The following SLC38A11 variants were observed in gnomAD, a reference collection of about 807,000 sequenced individuals.
SLC38A11 encodes the protein putative sodium-coupled neutral amino acid transporter 11.
In SLC38A11, 51 loss-of-function variants were observed where a neutral mutation model predicts 49.4. The ratio of observed to expected loss-of-function variants is 1.03; its 90% CI spans 0.83 to 1.30. SLC38A11 has a LOEUF of 1.30. Among genes scored for constraint, SLC38A11 ranks in the 50% most tolerant of loss-of-function variants. The probability of loss-of-function intolerance (pLI) is 0.00; values close to 1 mark genes in which losing one functional copy is unlikely to be tolerated. For missense variants in SLC38A11, 574 were observed against 556.2 expected (o/e 1.03, Z -0.32); for synonymous variants, 203 against 192.9 (o/e 1.05, Z -0.43).
chr2:164,908,740 A>T lies in SLC38A11; in HGVS notation c.995T>A (p.Leu332His). The change falls in exon 11 of 12, where the codon CTT becomes CAT. Residue 332 changes from leucine to histidine, a missense_variant. By Grantham distance (99) the Leu-to-His change is moderately conservative (BLOSUM62 -3). Transcript: ENST00000685975. ...TACAACAATGTGGAAAACCGATGAA[A>T]GATTCCCACCAAAAAACACATTGGC... ...VIANVFFGGN[L>H]SSVFHIVVTV... 1 of 1,611,256 alleles carries T rather than the reference A, an allele frequency of 6.2e-7. No individual in the cohort carries two copies. Among genetic ancestry groups the T allele is most frequent in the Non-Finnish European group, 8.5e-7 (1 of 1,178,442 alleles).
At chr2:164,912,584 T>C (rs917426440) in intron 9 of SLC38A11, 10 of 152,112 alleles carry the variant, frequency 6.6e-5, no homozygotes, top group Admixed American at 6.6e-4. Flanking sequence ...TATCATGCTA[T>C]AGGGTTTCAT....
In SLC38A11 at chr2:164,898,538, A is replaced by G. The variant is rs983403412; in HGVS notation, c.1288T>C (p.Phe430Leu). ...TQDCTHGQEM[F>L]YCFPDNFSLT... Reference sequence around the variant, plus strand: ...GAGAAATTGTCAGGAAAGCAGTAGAACATTTCCTGCCCATGGGTGCAGTCT... The same window carrying G: ...GAGAAATTGTCAGGAAAGCAGTAGAGCATTTCCTGCCCATGGGTGCAGTCT... The change falls in exon 12 of 12, where the codon TTC (phenylalanine) becomes CTC (leucine). Residue 430 changes from phenylalanine to leucine, a missense_variant. By Grantham distance (22) the Phe-to-Leu change is conservative. Transcript: ENST00000685975. 6 of 1,613,504 alleles carry G rather than the reference A, an allele frequency of 3.7e-6. No individual in the cohort carries two copies. Among genetic ancestry groups the G allele is most frequent in the Admixed American group, 1.7e-5 (1 of 59,900 alleles).
chr2:164,922,792 G>A (rs1325580637), intron 7 of SLC38A11, among the ~76,000 whole-genome samples: 1 of 152,120 alleles, frequency 6.6e-6, no homozygotes, highest in African/African-American at 2.4e-5. Context: ...AAAGAACAAA[G>A]CCAGAGGCAT....
intron 3 of SLC38A11, among the ~76,000 whole-genome samples, chr2:164,947,967 C>T (rs1263591514): frequency 6.6e-6 from 1 of 152,182 alleles, no homozygotes; most frequent in Non-Finnish European, 1.5e-5. Context: ...CCTACCAAGA[C>T]ATTCTCAACA....
chr2:164,928,468 T>C (rs1686748047), intron 7 of SLC38A11, among the ~76,000 whole-genome samples: 1 of 152,176 alleles, frequency 6.6e-6, no homozygotes, highest in African/African-American at 2.4e-5. Flanking sequence ...CAGCAATTCT[T>C]TGCTGAATTC....
At chr2:164,938,946 T>C (rs1378667450) in intron 6 of SLC38A11, among the ~76,000 whole-genome samples, 1 of 152,136 alleles carries the variant, frequency 6.6e-6, no homozygotes, top group Non-Finnish European at 1.5e-5. Flanking sequence ...TTCTCTTTAG[T>C]AATATGAATC....
chr2:164,953,813 C>G lies in SLC38A11; in HGVS notation c.154+818G>C, dbSNP rs190593865. 1.1e-3 allele frequency among the ~76,000 whole-genome samples: 161 copies of G among 152,240 alleles called. 1 individual carries two copies. The highest frequency in any genetic ancestry group is 3.8e-3 in the African/African-American group (156 of 41,556). On this transcript the variant is annotated intron_variant, in intron 2 of 11. Transcript: ENST00000685975. ...GCAACTTTATAAAACATTGTATTCT[C>G]AAAAAGTATTGCATTTTGCAGGATT...
At chr2:164,916,039 C>T in intron 7 of SLC38A11, 66 bp from the exon 8 acceptor site, 1 of 1,100,402 alleles carries the variant, frequency 9.1e-7, no homozygotes, top group Non-Finnish European at 1.4e-6. Flanking sequence ...TATCAGATAA[C>T]AAGAAATGGT....
chr2:164,943,290 G>C, intron 5 of SLC38A11, among the ~76,000 whole-genome samples: 1 of 152,202 alleles, frequency 6.6e-6, no homozygotes, highest in African/African-American at 2.4e-5. Flanking sequence ...AGGTCTGCTA[G>C]AGAATGTTCA....
intron 10 of SLC38A11, among the ~76,000 whole-genome samples, chr2:164,909,472 C>T (rs7574681): frequency 0.015 from 2,279 of 150,870 alleles, 56 homozygotes; most frequent in African/African-American, 0.053. Flanking sequence ...AAGTAGAGAT[C>T]AATTTATAAC....
chr2:164,901,156 T>C (rs1217319855), intron 11 of SLC38A11, among the ~76,000 whole-genome samples: 2 of 152,152 alleles, frequency 1.3e-5, no homozygotes, highest in Non-Finnish European at 1.5e-5. Context: ...TCCATCGGTC[T>C]ATATTTGTGT....
At chr2:164,930,044 A>G (rs531955395) in intron 7 of SLC38A11, among the ~76,000 whole-genome samples, 36 of 152,112 alleles carry the variant, frequency 2.4e-4, no homozygotes, top group African/African-American at 6.5e-4. Flanking sequence ...ATCCAAATAA[A>G]TATAATTAAA....
chr2:164,941,856 A>T (rs1687789606), intron 5 of SLC38A11, among the ~76,000 whole-genome samples: 1 of 152,108 alleles, frequency 6.6e-6, no homozygotes, highest in African/African-American at 2.4e-5. Flanking sequence ...TAAGAGAAAG[A>T]AGCATGTTAT....
intron 10 of SLC38A11, among the ~76,000 whole-genome samples, chr2:164,910,244 A>T (rs930588832): frequency 6.6e-6 from 1 of 152,104 alleles, no homozygotes; most frequent in Non-Finnish European, 1.5e-5. Flanking sequence ...AGGAAACTCA[A>T]GTTTCAAGTA....
At chr2:164,954,929 G>T (rs1688749368) in intron 1 of SLC38A11, among the ~76,000 whole-genome samples, 184 bp from the exon 2 acceptor site, 1 of 151,972 alleles carries the variant, frequency 6.6e-6, no homozygotes, top group Non-Finnish European at 1.5e-5. Flanking sequence ...ATTCAACAGA[G>T]CTTGGTAAGC....
intron 2 of SLC38A11, among the ~76,000 whole-genome samples, chr2:164,954,136 AC>A (rs1043496383): frequency 6.6e-6 from 1 of 152,148 alleles, no homozygotes; most frequent in African/African-American, 2.4e-5. Context: ...AAAATTTAAC[AC>A]TGTATAGATA....
intron 6 of SLC38A11, 49 bp from the exon 7 acceptor site, chr2:164,937,478 T>G: frequency 3.4e-6 from 4 of 1,193,500 alleles, no homozygotes; most frequent in Non-Finnish European, 4.9e-6. Context: ...AGAAATTATT[T>G]TATTTAAAAT....
intron 11 of SLC38A11, among the ~76,000 whole-genome samples, chr2:164,905,118 T>C (rs540844665): frequency 6.3e-5 from 9 of 142,276 alleles, no homozygotes; most frequent in African/African-American, 1.8e-4. Flanking sequence ...TTATTATTAT[T>C]CTTTTTTTTT....
intron 7 of SLC38A11, among the ~76,000 whole-genome samples, chr2:164,925,184 C>G (rs995443134): frequency 6.6e-6 from 1 of 152,166 alleles, no homozygotes; most frequent in East Asian, 1.9e-4. Context: ...TGGGCGTTCT[C>G]TAATTCCTCT....
Sources: allele counts gnomAD v4.1 joint callset (sites outside exome capture counted in the v4.1 genomes callset), GRCh38; gene constraint gnomAD v4.1.1; transcripts MANE v1.5; gene names NCBI Gene and HGNC (gene_info 2026-07-23, HGNC 2026-07-21).